Variants in VLDLR observed in about 807,000 individuals in gnomAD.
VLDLR encodes very low density lipoprotein receptor, also known as very low-density lipoprotein receptor.
In VLDLR, 81 loss-of-function variants were observed where a neutral mutation model predicts 112.7. The ratio of observed to expected loss-of-function variants is 0.72; its 90% CI spans 0.60 to 0.86. The LOEUF (loss-of-function observed/expected upper bound fraction) is 0.86, where lower values mean the gene tolerates loss of function less well. Among genes scored for constraint, VLDLR ranks in the 40% least tolerant of loss-of-function variants. VLDLR has a pLI of 0.00. For synonymous variants in VLDLR, 436 were observed against 384.8 expected, an observed-to-expected ratio of 1.13 and a Z score of -1.56; for missense variants, 1,237 against 1,099.4, an observed-to-expected ratio of 1.13 and a Z score of -1.77.
rs1818494001 is a variant in VLDLR, at chr9:2,654,169, G to A, written c.*301G>A. 2.4e-6 allele frequency: 1 copy of A among 423,460 alleles called. No homozygotes were observed. Among genetic ancestry groups the A allele is most frequent in the African/African-American group, 2.0e-5 (1 of 49,452 alleles). 26.2% of individuals were successfully genotyped at this position (423,460 alleles called of 1,614,324 possible). A position where few individuals can be genotyped will look rare whatever the true frequency, so the allele number is the denominator to read the frequency against. Reference sequence around the variant, plus strand: ...CCCTAGAAAGCCATATTCCAGCAGTGAAACTTGTGCTATAGTGTATACCAC... The same window carrying A: ...CCCTAGAAAGCCATATTCCAGCAGTAAAACTTGTGCTATAGTGTATACCAC... On this transcript the variant is annotated 3_prime_UTR_variant, in exon 19 of 19. Coordinates refer to ENST00000382100, the MANE Select transcript of VLDLR (RefSeq NM_003383.5).
chr9:2,645,891 T>G (rs1013513256), intron 10 of VLDLR, 146 bp downstream of exon 10: 4 of 856,300 alleles, frequency 4.7e-6, no homozygotes, highest in Admixed American at 4.9e-5. Context: ...ATGCTAATTC[T>G]TTATTAAACT....
intron 1 of VLDLR, 65 bp downstream of exon 1, chr9:2,622,336 G>T: frequency 7.4e-7 from 1 of 1,357,754 alleles, no homozygotes; most frequent in Non-Finnish European, 9.5e-7. Flanking sequence ...AGACCCCGAG[G>T]CGTAGGTCTC....
chr9:2,647,032 G>A (rs1013175247), intron 11 of VLDLR, among the ~76,000 whole-genome samples: 2 of 152,118 alleles, frequency 1.3e-5, no homozygotes, highest in African/African-American at 4.8e-5. Context: ...ATTTCACTAA[G>A]GGGGTTCTGT....
Position 2,635,572 on chromosome 9 carries a change from G to A in VLDLR, c.202G>A (p.Val68Ile), listed in dbSNP as rs564277871. The A allele has an allele frequency of 1.2e-5, 20 of 1,613,882 alleles. No individual in the cohort carries two copies. The highest frequency in any genetic ancestry group is 5.3e-5 in the African/African-American group (4 of 75,030). Reference sequence around the variant, plus strand: ...TGACGGCAGTGATGAAAAGAACTGTGGTAAGTAAAGAGTTTGATGACTTAT... The same window carrying A: ...TGACGGCAGTGATGAAAAGAACTGTAGTAAGTAAAGAGTTTGATGACTTAT... ...CVDGSDEKNC[V>I]KKTCAESDFV... The change falls in exon 2 of 19, where the codon GTA becomes ATA. Residue 68 changes from valine (V) to isoleucine (I), a missense_variant and splice_region_variant. Transcript: ENST00000382100.
At position 2,655,122 on chromosome 9, in the gene VLDLR, T is replaced by C. The variant is rs1168609526; in HGVS notation, c.*1254T>C. Reference sequence around the variant, plus strand: ...ATAAGCCCTTCAGGCGATACTGATGTAAACTAAAGCTTAAAAACCACCGTT... The same window carrying C: ...ATAAGCCCTTCAGGCGATACTGATGCAAACTAAAGCTTAAAAACCACCGTT... On this transcript the variant is annotated 3_prime_UTR_variant, in exon 19 of 19. Coordinates refer to ENST00000382100, the MANE Select transcript of VLDLR (RefSeq NM_003383.5). 6.6e-6 allele frequency: 1 copy of C among 152,214 alleles called. No homozygotes were observed. The highest frequency in any genetic ancestry group is 1.5e-5 in the Non-Finnish European group (1 of 68,038). 9.4% of individuals were successfully genotyped at this position (152,214 alleles called of 1,614,324 possible). A position where few individuals can be genotyped will look rare whatever the true frequency, so the allele number is the denominator to read the frequency against.
chr9:2,634,842 G>C (rs778176236), intron 1 of VLDLR, among the ~76,000 whole-genome samples: 3 of 152,114 alleles, frequency 2.0e-5, no homozygotes, highest in Non-Finnish European at 4.4e-5. Context: ...TATTCTTGCT[G>C]CTCCTTCTAA....
intron 13 of VLDLR, 100 bp from the exon 14 acceptor site, chr9:2,648,569 G>T: frequency 6.3e-7 from 1 of 1,587,696 alleles, no homozygotes; most frequent in Non-Finnish European, 8.6e-7. Flanking sequence ...TCAGCATTCA[G>T]TAAACTTAGT....
In VLDLR at chr9:2,656,058, G is replaced by T. The variant is rs1391082637; in HGVS notation, c.*2190G>T. ...ATTATACAGTATTAATTAATTATAA[G>T]GCCCAAAGTTTGTTTTGGCAAATAA... On this transcript the variant is annotated 3_prime_UTR_variant, in exon 19 of 19. Transcript: ENST00000382100. 6.6e-6 allele frequency: 1 copy of T among 150,924 alleles called. No individual in the cohort carries two copies. The highest frequency in any genetic ancestry group is 1.5e-5 in the Non-Finnish European group (1 of 67,952). 9.3% of individuals were successfully genotyped at this position (150,924 alleles called of 1,614,324 possible). A position where few individuals can be genotyped will look rare whatever the true frequency, so the allele number is the denominator to read the frequency against.
chr9:2,659,520 G>A lies in VLDLR; in HGVS notation c.*5652G>A, dbSNP rs1031842007. ...CATCCAAGTGAAGTAGAAGTAGATT[G>A]TTGGATTGCAAAGAAAATGATAAAG... On this transcript the variant is annotated 3_prime_UTR_variant, in exon 19 of 19. Coordinates refer to ENST00000382100, the MANE Select transcript of VLDLR (RefSeq NM_003383.5). 6 of 152,342 alleles carry A rather than the reference G, an allele frequency of 3.9e-5. No individual in the cohort carries two copies. Among genetic ancestry groups the A allele is most frequent in the African/African-American group, 1.4e-4 (6 of 41,568 alleles). The allele number at this position is 152,342 out of a possible 1,614,324, so 9.4% of individuals were successfully genotyped here.
chr9:2,641,368 C>T lies in VLDLR; in HGVS notation c.326-9C>T. 4.3e-6 allele frequency: 7 copies of T among 1,614,056 alleles called. No homozygotes were observed. Among genetic ancestry groups the T allele is most frequent in the Admixed American group, 1.7e-5 (1 of 60,024 alleles). On this transcript the variant is annotated splice_polypyrimidine_tract_variant and intron_variant, in intron 3 of 18. Transcript: ENST00000382100. ...CTGAGGCTCTTTTGAGACTGTATAT[C>T]ATCAACAGATATGAGAACATGCCGC...
In VLDLR at chr9:2,656,167, G is replaced by C. The variant is rs917122244; in HGVS notation, c.*2299G>C. 6.6e-6 allele frequency: 1 copy of C among 150,408 alleles called. No homozygotes were observed. The highest frequency in any genetic ancestry group is 2.5e-5 in the African/African-American group (1 of 39,862). The allele number at this position is 150,408 out of a possible 1,614,324, so 9.3% of individuals were successfully genotyped here. On this transcript the variant is annotated 3_prime_UTR_variant, in exon 19 of 19. Transcript: ENST00000382100. ...CTGGGTAAAATTTCCAACCCTCAAA[G>C]AGTCTAAAACGTCTCATTTTTTTTT...
Position 2,653,878 on chromosome 9 carries a change from C to T in VLDLR, c.*10C>T. ...TGATGATCTAGCTTGACTTCTGTGA[C>T]AAATGTTGACCTTTGAGGTCTAAAC... On this transcript the variant is annotated 3_prime_UTR_variant, in exon 19 of 19. Transcript: ENST00000382100. 1 of 1,613,802 alleles carries T rather than the reference C, an allele frequency of 6.2e-7. No individual in the cohort carries two copies. The highest frequency in any genetic ancestry group is 8.5e-7 in the Non-Finnish European group (1 of 1,179,772).
In VLDLR at chr9:2,643,947, C is replaced by G. The variant is rs776952317; in HGVS notation, c.1054C>G (p.Leu352Val). The change falls in exon 7 of 19, where the codon CTG becomes GTG. Residue 352 changes from leucine (L) to valine (V), a missense_variant. Leu to Val is a conservative substitution (Grantham distance 32, BLOSUM62 1). Transcript: ENST00000382100. ...QDCRDWSDEP[L>V]KECHINECLV... ...CTGCAGGGACTGGAGTGATGAGCCC[C>G]TGAAAGAGTGTCGTAAGTGTACTTG... The G allele has an allele frequency of 4.3e-6, 7 of 1,614,046 alleles. No homozygotes were observed. In the South Asian group the frequency reaches 6.6e-5, roughly 15 times the overall value.
chr9:2,653,730 G>A lies in VLDLR; in HGVS notation c.2587-103G>A, dbSNP rs1036989358. On this transcript the variant is annotated intron_variant, in intron 18 of 18. Transcript: ENST00000382100. The stretch of plus-strand genomic sequence containing the variant: ...GACTGACTTTTCTTCTAAGCACTCT[G>A]AGTGTTTGAATGACCAACTCAAAAG... The A allele has an allele frequency of 1.4e-4, 162 of 1,189,252 alleles. 1 individual carries two copies. Among genetic ancestry groups the A allele is most frequent in the Non-Finnish European group, 4.7e-5 (37 of 794,368 alleles). The allele number at this position is 1,189,252 out of a possible 1,614,324, so 73.7% of individuals were successfully genotyped here.
At chr9:2,642,375 G>A (rs1223303622) in intron 4 of VLDLR, among the ~76,000 whole-genome samples, 3 of 152,194 alleles carry the variant, frequency 2.0e-5, no homozygotes, top group African/African-American at 7.2e-5. Flanking sequence ...ACTGCACCTA[G>A]TCCAATGAGT....
Position 2,643,731 on chromosome 9 carries a change from T to C in VLDLR, c.924T>C (p.Asp308=). The C allele has an allele frequency of 1.2e-6, 2 of 1,614,226 alleles. No individual in the cohort carries two copies. Among genetic ancestry groups the C allele is most frequent in the Middle Eastern group, 1.6e-4 (1 of 6,062 alleles). Residue 308 remains aspartate (D), a synonymous_variant, in exon 6 of 19, where the codon GAT becomes GAC. Transcript: ENST00000382100. ...NGIRDCVDGS[D]EVNCKNVNQC... ...TCCGAGACTGTGTCGATGGTTCCGA[T>C]GAAGTCAACTGCAAAAATGGTAAGG...
chr9:2,633,835 G>A (rs542556286), intron 1 of VLDLR, among the ~76,000 whole-genome samples: 1 of 152,182 alleles, frequency 6.6e-6, no homozygotes, highest in African/African-American at 2.4e-5. Flanking sequence ...AACATATTAA[G>A]AATCCAGTGG....
At chr9:2,643,577 C>G in intron 5 of VLDLR, 46 bp downstream of exon 5, 2 of 1,614,146 alleles carry the variant, frequency 1.2e-6, no homozygotes, top group Non-Finnish European at 1.7e-6. Context: ...TTCCCTGTAT[C>G]AACTGGGACA....
chr9:2,626,786 T>C (rs897451050), intron 1 of VLDLR, among the ~76,000 whole-genome samples: 3 of 141,080 alleles, frequency 2.1e-5, no homozygotes, highest in South Asian at 2.2e-4. Context: ...GCCTCGGCGA[T>C]AGACAGCATT....
Sources: gnomAD v4.1 joint callset for allele counts (sites outside exome capture counted in the v4.1 genomes callset) on GRCh38, gnomAD v4.1.1 for gene constraint, MANE v1.5 for transcripts, NCBI Gene and HGNC (gene_info 2026-07-23, HGNC 2026-07-21) for gene names.